The following GRB7 variants were observed in gnomAD, a reference collection of about 807,000 sequenced individuals.
GRB7 encodes growth factor receptor bound protein 7.
A neutral mutation model predicts 64.1 loss-of-function variants in GRB7; 47 were observed. The ratio of observed to expected loss-of-function variants is 0.73; its 90% CI spans 0.58 to 0.94. The LOEUF (loss-of-function observed/expected upper bound fraction) is 0.94. GRB7 is among the 40% of genes least tolerant of loss of function. The probability of loss-of-function intolerance (pLI) is 0.00; values close to 1 mark genes in which losing one functional copy is unlikely to be tolerated. For synonymous variants in GRB7, 277 were observed against 279.9 expected (o/e 0.99, Z 0.10); for missense variants, 634 against 718.4 (o/e 0.88, Z 1.34).
chr17:39,744,357 T>A, intron 7 of GRB7, 150 bp downstream of exon 7: 1 of 987,610 alleles, frequency 1.0e-6, no homozygotes, highest in Non-Finnish European at 1.5e-6. Flanking sequence ...CATCCTTGCC[T>A]AGCTCACCTG....
intron 7 of GRB7, 160 bp from the exon 8 acceptor site, chr17:39,744,393 T>A (rs2060024912): frequency 1.1e-5 from 9 of 854,940 alleles, no homozygotes; most frequent in Non-Finnish European, 1.7e-5. Context: ...GGAGAAAAGA[T>A]GATCTTAGTT....
At chr17:39,746,632 AAG>A (rs2060049113) in intron 14 of GRB7, 117 bp from the exon 15 acceptor site, 1 of 1,153,206 alleles carries the variant, frequency 8.7e-7, no homozygotes, top group African/African-American at 1.6e-5. Context: ...AAAAAAAAGA[AAG>A]AAAAAGAAAA....
At position 39,742,469 on chromosome 17, in the gene GRB7, G is replaced by T. The variant is rs8192704; in HGVS notation, c.155+13G>T. Reference sequence around the variant, plus strand: ...CAACCACCGGCAGGTACGATGGGGCGTGGGGCTTGGGGGAGGTCAGTGCTG... The same window carrying T: ...CAACCACCGGCAGGTACGATGGGGCTTGGGGCTTGGGGGAGGTCAGTGCTG... On this transcript the variant is annotated intron_variant, in intron 2 of 14. Coordinates refer to ENST00000309156, the MANE Select transcript of GRB7 (RefSeq NM_005310.5). 1.9e-6 allele frequency: 3 copies of T among 1,613,384 alleles called. No individual in the cohort carries two copies. Among genetic ancestry groups the T allele is most frequent in the Non-Finnish European group, 2.5e-6 (3 of 1,179,586 alleles).
At chr17:39,740,513 C>A (rs1469398977) in intron 1 of GRB7, among the ~76,000 whole-genome samples, 2 of 152,132 alleles carry the variant, frequency 1.3e-5, no homozygotes, top group African/African-American at 4.8e-5. Context: ...TTGCCTCTCT[C>A]CTTCCCAGGC....
Position 39,746,898 on chromosome 17 carries a change from C to T in GRB7, c.*1C>T, listed in dbSNP as rs765581468. 6.2e-7 allele frequency: 1 copy of T among 1,605,480 alleles called. No homozygotes were observed. The highest frequency in any genetic ancestry group is 2.2e-5 in the East Asian group (1 of 44,854). On this transcript the variant is annotated 3_prime_UTR_variant, in exon 15 of 15. Coordinates refer to ENST00000309156, the MANE Select transcript of GRB7 (RefSeq NM_005310.5). ...TTGCTGCACGCGGGTGGCCCTCTGA[C>T]CAGGCCGTGGACTGGCTCATGCCTC... is the stretch of plus-strand genomic sequence containing the variant.
chr17:39,747,092 C>T lies in GRB7; in HGVS notation c.*195C>T, dbSNP rs191297275. The stretch of plus-strand genomic sequence containing the variant: ...CCCCCACTCCAGTCCACTCCTGACC[C>T]CTCTCCTCAAGGGAAGGCCTTGGGT... On this transcript the variant is annotated 3_prime_UTR_variant, in exon 15 of 15. Transcript: ENST00000309156. The T allele has an allele frequency of 8.6e-4, 524 of 607,264 alleles. 1 individual carries two copies. The highest frequency in any genetic ancestry group is 4.5e-3 in the Middle Eastern group (10 of 2,234). The allele number at this position is 607,264 out of a possible 1,614,324, so 37.6% of individuals were successfully genotyped here. A position where few individuals can be genotyped will look rare whatever the true frequency, so the allele number is the denominator to read the frequency against.
At chr17:39,742,830 G>C (rs1181621928) in intron 3 of GRB7, 68 bp from the exon 4 acceptor site, 2 of 1,536,450 alleles carry the variant, frequency 1.3e-6, no homozygotes, top group South Asian at 1.2e-5. Flanking sequence ...TGAGGGTCTA[G>C]CAGGTGCGGA....
chr17:39,739,011 T>G (rs2143385174), intron 1 of GRB7: 20 of 984,896 alleles, frequency 2.0e-5, no homozygotes, highest in Middle Eastern at 3.1e-4. Context: ...CGGTGGGGCC[T>G]GGGGAGAGTG....
At chr17:39,745,181 G>A in intron 9 of GRB7, 62 bp from the exon 10 acceptor site, 1 of 1,396,380 alleles carries the variant, frequency 7.2e-7, no homozygotes, top group Non-Finnish European at 9.9e-7. Context: ...TCTGAGGGGG[G>A]CGTCACAGCC....
In GRB7 at chr17:39,737,976, C is replaced by A. The variant is rs1597900187; in HGVS notation, c.-208C>A. ...CTGGAATCTGGACACACAGGGCTCCCCCCCGCCTCTGACTTCTCTGTCCGA... is the reference window on the plus strand; with the variant it reads ...CTGGAATCTGGACACACAGGGCTCCACCCCGCCTCTGACTTCTCTGTCCGA... On this transcript the variant is annotated 5_prime_UTR_variant, in exon 1 of 15. Transcript: ENST00000309156. 6.6e-6 allele frequency: 1 copy of A among 152,314 alleles called. No individual in the cohort carries two copies. The highest frequency in any genetic ancestry group is 6.5e-5 in the Admixed American group (1 of 15,282). 9.4% of individuals were successfully genotyped at this position (152,314 alleles called of 1,614,324 possible). A position where few individuals can be genotyped will look rare whatever the true frequency, so the allele number is the denominator to read the frequency against.
At chr17:39,743,550 C>T (rs1235081468) in intron 6 of GRB7, 80 bp downstream of exon 6, 4 of 1,126,774 alleles carry the variant, frequency 3.5e-6, no homozygotes, top group Non-Finnish European at 5.4e-6. Context: ...AGTCCTGTGC[C>T]TCCCCTCTAT....
Position 39,746,979 on chromosome 17 carries a change from C to T in GRB7, c.*82C>T, listed in dbSNP as rs1353472182. The T allele has an allele frequency of 1.4e-5, 20 of 1,457,864 alleles. No individual in the cohort carries two copies. The highest frequency in any genetic ancestry group is 2.5e-4 in the Middle Eastern group (1 of 4,080). 90.3% of individuals were successfully genotyped at this position (1,457,864 alleles called of 1,614,324 possible). On this transcript the variant is annotated 3_prime_UTR_variant, in exon 15 of 15. Transcript: ENST00000309156. The stretch of plus-strand genomic sequence containing the variant: ...CACCCATCCAGTGGACTCTGGGGCG[C>T]GGCCACAGGGGACGGGATGAGGAGC...
rs778062709 is a variant in GRB7, at chr17:39,742,358, A to C, written c.57A>C (p.Pro19=). ...GCAGCTCTCCGGAAGACCTTTGCCC[A>C]GCCCCTGGGACCCCTCCTGGGACTC... ...HLSSSPEDLC[P]APGTPPGTPR... is the part of the protein sequence containing the mutation. Residue 19 remains proline, a synonymous_variant, in exon 2 of 15, where the codon CCA becomes CCC. Transcript: ENST00000309156. The C allele has an allele frequency of 6.2e-7, 1 of 1,613,878 alleles. No homozygotes were observed. The highest frequency in any genetic ancestry group is 1.3e-5 in the African/African-American group (1 of 74,878).
chr17:39,744,368 C>T (rs2060024780), intron 7 of GRB7, 161 bp downstream of exon 7: 1 of 939,586 alleles, frequency 1.1e-6, no homozygotes, highest in East Asian at 2.4e-5. Context: ...AGCTCACCTG[C>T]CCAGGGAGGT....
rs781583142 is a variant in GRB7 at position 39,742,610 on chromosome 17, T to A, written c.200T>A (p.Ile67Asn). The A allele has an allele frequency of 6.2e-7, 1 of 1,613,208 alleles. No homozygotes were observed. The change falls in exon 3 of 15, where the codon ATC becomes AAC. Residue 67 changes from isoleucine (I) to asparagine (N), a missense_variant. Around this residue, in one of 2 missense-constraint regions of GRB7, gnomAD observed 167 missense variants for 141.9 expected, o/e 1.18. Transcript: ENST00000309156. ...EERRATSLPS[I>N]PNPFPELCSP... ...AGGCGTGCCACCTCCCTCCCCTCTATCCCCAACCCCTTCCCTGAGCTCTGC... is the reference window on the plus strand; with the variant it reads ...AGGCGTGCCACCTCCCTCCCCTCTAACCCCAACCCCTTCCCTGAGCTCTGC...
chr17:39,745,114 G>A (rs1305679693), intron 9 of GRB7, 129 bp from the exon 10 acceptor site: 1 of 1,083,310 alleles, frequency 9.2e-7, no homozygotes, highest in African/African-American at 1.6e-5. Context: ...CAAGCCTGAA[G>A]TTATAGGAAG....
Position 39,742,424 on chromosome 17 carries a change from G to A in GRB7, c.123G>A (p.Arg41=), listed in dbSNP as rs138875381. The A allele has an allele frequency of 3.1e-6, 5 of 1,613,852 alleles. No individual in the cohort carries two copies. Among genetic ancestry groups the A allele is most frequent in the Non-Finnish European group, 4.2e-6 (5 of 1,180,024 alleles). ...PDTPLPEEVK[R]SQPLLIPTTG... Reference sequence around the variant, plus strand: ...CCCCTCTGCCTGAGGAGGTAAAGAGGTCCCAGCCTCTCCTCATCCCAACCA... The same window carrying A: ...CCCCTCTGCCTGAGGAGGTAAAGAGATCCCAGCCTCTCCTCATCCCAACCA... Residue 41 remains arginine (R), a synonymous_variant, in exon 2 of 15, where the codon AGG becomes AGA. Transcript: ENST00000309156.
intron 6 of GRB7, 171 bp downstream of exon 6, chr17:39,743,641 A>G (rs1410704403): frequency 1.6e-6 from 1 of 630,990 alleles, no homozygotes; most frequent in Non-Finnish European, 2.8e-6. Context: ...TCTTCTATTA[A>G]ATGGGGGCGA....
Position 39,743,468 on chromosome 17 carries a change from C to T in GRB7, c.661C>T (p.Gln221Ter). The T allele has an allele frequency of 1.9e-6, 3 of 1,613,682 alleles. No individual in the cohort carries two copies. The highest frequency in any genetic ancestry group is 2.5e-6 in the Non-Finnish European group (3 of 1,179,624). The change falls in exon 6 of 15, where the codon CAG (glutamine) becomes TAG (stop). Residue 221 changes from glutamine to a stop codon, truncating the protein, a stop_gained and splice_region_variant. Coordinates refer to ENST00000309156, the MANE Select transcript of GRB7 (RefSeq NM_005310.5). LOFTEE classifies it high-confidence loss of function. Reference protein sequence around the residue: ...HTGISHEDLIQNFLNAGSFPE... With the variant: ...HTGISHEDLI ...TGGTATATCCCATGAAGACCTCATC[C>T]AGGTGGGGGGACCCCCCATTTCACT...
Sources: gnomAD v4.1 joint callset for allele counts (sites outside exome capture counted in the v4.1 genomes callset) on GRCh38, gnomAD v4.1.1 for gene constraint, gnomAD v4.1.1 regional missense constraint, MANE v1.5 for transcripts, NCBI Gene and HGNC (gene_info 2026-07-23, HGNC 2026-07-21) for gene names.